Variants in GRID1 observed in about 807,000 individuals in gnomAD.
The protein encoded by GRID1 is glutamate ionotropic receptor delta type subunit 1, also known as glutamate receptor ionotropic, delta-1.
A neutral mutation model predicts 98.0 loss-of-function variants in GRID1; 28 were observed. The observed-to-expected ratio is 0.29, with a 90% CI of 0.21 to 0.39. The LOEUF (loss-of-function observed/expected upper bound fraction) is 0.39, where lower values mean the gene tolerates loss of function less well. Ranked by LOEUF, GRID1 falls within the 10% of genes least tolerant of loss-of-function variation. The pLI is 1.00. For missense variants in GRID1, 1,111 were observed against 1,340.5 expected (o/e 0.83, Z 2.67); for synonymous variants, 553 against 538.5 (o/e 1.03, Z -0.37).
intron 13 of GRID1, among the ~76,000 whole-genome samples, chr10:85,621,987 TTGAGGG>T (rs1842864095): frequency 6.6e-6 from 1 of 152,110 alleles, no homozygotes. Flanking sequence ...GTATGTCACG[TTGAGGG>T]AAAAATTAAG....
chr10:85,758,817 C>A (rs1219547491), intron 8 of GRID1, among the ~76,000 whole-genome samples: 1 of 152,144 alleles, frequency 6.6e-6, no homozygotes, highest in Non-Finnish European at 1.5e-5. Flanking sequence ...TTGTGAGTGA[C>A]CTGCTAGTAC....
At chr10:86,320,391 A>C (rs1847953188) in intron 2 of GRID1, among the ~76,000 whole-genome samples, 1 of 152,200 alleles carries the variant, frequency 6.6e-6, no homozygotes, top group South Asian at 2.1e-4. Flanking sequence ...CACTTGCACC[A>C]CGGATGAACC....
chr10:86,363,331 C>T (rs952010469), intron 2 of GRID1, among the ~76,000 whole-genome samples: 3 of 152,116 alleles, frequency 2.0e-5, no homozygotes, highest in African/African-American at 7.2e-5. Flanking sequence ...CCGGCCCAGG[C>T]GGCGGCGCCT....
At chr10:86,247,423 A>T (rs1846750098) in intron 2 of GRID1, among the ~76,000 whole-genome samples, 1 of 152,084 alleles carries the variant, frequency 6.6e-6, no homozygotes, top group African/African-American at 2.4e-5. Flanking sequence ...TGAGTTGATG[A>T]ATGAATGGAT....
At position 86,060,719 on chromosome 10, in the gene GRID1, G is replaced by A. The variant is rs772209130; in HGVS notation, c.726+78100C>T. Among the ~76,000 whole-genome samples, 56 of 152,266 alleles carry A rather than the reference G, an allele frequency of 3.7e-4. 1 individual carries two copies. The highest frequency in any genetic ancestry group is 5.4e-4 in the Non-Finnish European group (37 of 68,014). On this transcript the variant is annotated intron_variant, in intron 4 of 15. Transcript: ENST00000327946. Reference sequence around the variant, plus strand: ...TGTGGGGAACAGAACCTCAGGCTGTGTCTCACTCAGTCCCTCCAGAGGACA... The same window carrying A: ...TGTGGGGAACAGAACCTCAGGCTGTATCTCACTCAGTCCCTCCAGAGGACA...
intron 8 of GRID1, among the ~76,000 whole-genome samples, chr10:85,830,653 G>A (rs1012997030): frequency 3.9e-5 from 6 of 152,002 alleles, no homozygotes; most frequent in African/African-American, 1.2e-4. Context: ...AGTGGGAAAA[G>A]GACATGAACA....
intron 8 of GRID1, among the ~76,000 whole-genome samples, chr10:85,746,809 A>G (rs1355177041): frequency 6.6e-6 from 1 of 152,138 alleles, no homozygotes; most frequent in East Asian, 1.9e-4. Context: ...AAAATAAAAC[A>G]TGATGAATAT....
intron 12 of GRID1, chr10:85,647,646 T>C (rs554020224): frequency 4.2e-6 from 2 of 471,432 alleles, no homozygotes; most frequent in African/African-American, 1.9e-5. Flanking sequence ...TAAAACCAGG[T>C]TCTTTACTGA....
At chr10:85,651,840 A>G (rs1564689501) in intron 12 of GRID1, among the ~76,000 whole-genome samples, 1 of 152,112 alleles carries the variant, frequency 6.6e-6, no homozygotes, top group Non-Finnish European at 1.5e-5. Context: ...TCTTACTTCA[A>G]CTTTTGATAA....
chr10:85,749,614 T>C (rs1465778477), intron 8 of GRID1, among the ~76,000 whole-genome samples: 2 of 152,152 alleles, frequency 1.3e-5, no homozygotes, highest in Admixed American at 6.6e-5. Flanking sequence ...TTCCCAAGCA[T>C]AACCTACAAC....
rs751603155 is a variant in GRID1 at position 86,138,977 on chromosome 10, G to A, written c.568C>T (p.Leu190Phe). The change falls in exon 4 of 16, where the codon CTT becomes TTT. Residue 190 changes from leucine to phenylalanine, a missense_variant. Leu to Phe is a conservative substitution (Grantham distance 22, BLOSUM62 0). Around this residue, in one of 3 missense-constraint regions of GRID1, gnomAD observed 346 missense variants for 452.3 expected, o/e 0.76. Coordinates refer to ENST00000327946, the MANE Select transcript of GRID1 (RefSeq NM_017551.3). ...SFLDQASRLG[L>F]DVSLQKVDKN... ...TCCACCTTTTGTAAAGAGACGTCAAGGCCCAGCCGCGAGGCCTGGTCCAGA... is the reference window on the plus strand; with the variant it reads ...TCCACCTTTTGTAAAGAGACGTCAAAGCCCAGCCGCGAGGCCTGGTCCAGA... 2 of 1,614,086 alleles carry A rather than the reference G, an allele frequency of 1.2e-6. No individual in the cohort carries two copies. The highest frequency in any genetic ancestry group is 1.7e-6 in the Non-Finnish European group (2 of 1,179,928).
chr10:85,668,555 T>G (rs1841049684), intron 12 of GRID1, among the ~76,000 whole-genome samples: 2 of 152,220 alleles, frequency 1.3e-5, no homozygotes, highest in African/African-American at 4.8e-5. Context: ...GCTCACAAAC[T>G]GTCAGAGTGG....
chr10:85,993,317 T>C (rs995402196), intron 4 of GRID1, among the ~76,000 whole-genome samples: 3 of 152,168 alleles, frequency 2.0e-5, no homozygotes, highest in East Asian at 1.9e-4. Context: ...CTGGCAGATG[T>C]GTAGTGGGGA....
chr10:85,699,170 A>T (rs1841425676), intron 12 of GRID1, among the ~76,000 whole-genome samples: 1 of 152,042 alleles, frequency 6.6e-6, no homozygotes, highest in African/African-American at 2.4e-5. Context: ...CTCCTGCCTC[A>T]GCTTTCCCAG....
chr10:86,004,702 ATC>A (rs1044348729), intron 4 of GRID1, among the ~76,000 whole-genome samples: 1 of 145,616 alleles, frequency 6.9e-6, no homozygotes, highest in Admixed American at 6.9e-5. Context: ...AAATCTCTCT[ATC>A]TCTCTCTGTC....
At chr10:86,259,413 A>G (rs1359523495) in intron 2 of GRID1, among the ~76,000 whole-genome samples, 1 of 152,258 alleles carries the variant, frequency 6.6e-6, no homozygotes, top group Non-Finnish European at 1.5e-5. Flanking sequence ...GTGTGCGTGT[A>G]AACAATGCGT....
intron 13 of GRID1, among the ~76,000 whole-genome samples, chr10:85,637,868 C>CAATTGCAGCCA (rs1843068172): frequency 6.6e-6 from 1 of 152,148 alleles, no homozygotes; most frequent in African/African-American, 2.4e-5. Context: ...CACATTAAAT[C>CAATTGCAGCCA]AATTGCAGCC....
At chr10:86,025,709 T>C (rs1040655622) in intron 4 of GRID1, among the ~76,000 whole-genome samples, 3 of 152,198 alleles carry the variant, frequency 2.0e-5, no homozygotes, top group African/African-American at 7.2e-5. Context: ...CTGATATCTG[T>C]GCCCTGCACT....
At chr10:85,706,738 A>T (rs1841524009) in intron 12 of GRID1, among the ~76,000 whole-genome samples, 1 of 152,254 alleles carries the variant, frequency 6.6e-6, no homozygotes, top group Non-Finnish European at 1.5e-5. Flanking sequence ...TCACCAAAAC[A>T]GCATGGTACT....
Sources: allele counts gnomAD v4.1 joint callset (sites outside exome capture counted in the v4.1 genomes callset), GRCh38; gene constraint gnomAD v4.1.1; regional missense constraint gnomAD v4.1.1; transcripts MANE v1.5; gene names NCBI Gene and HGNC (gene_info 2026-07-23, HGNC 2026-07-21).